Variants in CORO2A observed in about 807,000 individuals in gnomAD.
CORO2A encodes coronin-2A.
CORO2A carries 47 observed loss-of-function variants against 62.4 expected under a neutral mutation model. The ratio of observed to expected loss-of-function variants is 0.75; its 90% CI spans 0.60 to 0.96. CORO2A has a LOEUF of 0.96. Ranked by LOEUF, CORO2A falls within the 40% of genes least tolerant of loss-of-function variation. The pLI, the probability that CORO2A is intolerant of heterozygous loss-of-function variation, is 0.00. For synonymous variants in CORO2A, 273 were observed against 268.9 expected (o/e 1.02, Z -0.15); for missense variants, 610 against 684.1 (o/e 0.89, Z 1.21).
chr9:98,151,339 T>C lies in CORO2A; in HGVS notation c.201+6121A>G, dbSNP rs143255102. Among the ~76,000 whole-genome samples, 257 of 152,328 alleles carry C rather than the reference T, an allele frequency of 1.7e-3. 1 individual carries two copies. The highest frequency in any genetic ancestry group is 5.9e-3 in the African/African-American group (245 of 41,570). ...AGTGTCTATCCATGAATATAGTAAA[T>C]ATTTCCATCTATTGAGGTCATCTTT... On this transcript the variant is annotated intron_variant, in intron 2 of 11. Coordinates refer to ENST00000375077, the MANE Select transcript of CORO2A (RefSeq NM_052820.4).
At chr9:98,137,843 T>G (rs1827509602) in intron 2 of CORO2A, among the ~76,000 whole-genome samples, 155 bp from the exon 3 acceptor site, 1 of 152,190 alleles carries the variant, frequency 6.6e-6, no homozygotes, top group African/African-American at 2.4e-5. Context: ...TGTGGGATCC[T>G]GGGGGAGTTA....
intron 2 of CORO2A, among the ~76,000 whole-genome samples, chr9:98,152,959 A>C (rs534352247): frequency 3.9e-5 from 6 of 152,328 alleles, no homozygotes; most frequent in African/African-American, 1.4e-4. Context: ...ATGTAATTTG[A>C]ATTTGGGTTG....
At chr9:98,186,957 G>A (rs1040804209) in intron 1 of CORO2A, among the ~76,000 whole-genome samples, 25 of 152,090 alleles carry the variant, frequency 1.6e-4, no homozygotes, top group African/African-American at 5.8e-4. Context: ...GTCTTCGTCC[G>A]TTGCTGCAGC....
intron 1 of CORO2A, among the ~76,000 whole-genome samples, chr9:98,174,930 T>A (rs75772867): frequency 0.012 from 1,759 of 152,146 alleles, 34 homozygotes; most frequent in African/African-American, 0.04. Context: ...TTAAAAATGG[T>A]TAAAATCGTA....
intron 2 of CORO2A, among the ~76,000 whole-genome samples, chr9:98,139,173 C>T (rs1827533805): frequency 6.6e-6 from 1 of 151,950 alleles, no homozygotes; most frequent in African/African-American, 2.4e-5. Flanking sequence ...TGAGGGGTGT[C>T]TTTTTGGAGT....
intron 2 of CORO2A, among the ~76,000 whole-genome samples, chr9:98,150,927 A>G (rs780624924): frequency 5.9e-5 from 9 of 152,144 alleles, no homozygotes; most frequent in Admixed American, 2.6e-4. Flanking sequence ...CCAGCATTCA[A>G]GGCTCTGCTC....
chr9:98,160,328 T>G (rs144814364), intron 1 of CORO2A, among the ~76,000 whole-genome samples: 1 of 152,170 alleles, frequency 6.6e-6, no homozygotes, highest in East Asian at 1.9e-4. Context: ...TAAAAAGAGA[T>G]CACCTGAAAC....
intron 1 of CORO2A, among the ~76,000 whole-genome samples, chr9:98,187,901 C>T (rs1483562302): frequency 6.6e-6 from 1 of 152,196 alleles, no homozygotes; most frequent in Non-Finnish European, 1.5e-5. Flanking sequence ...CCTAGATTCT[C>T]CATGAGACAC....
At position 98,124,864 on chromosome 9, in the gene CORO2A, C is replaced by A. The variant is rs148606644; in HGVS notation, c.1488G>T (p.Arg496Ser). 2 of 1,588,254 alleles carry A rather than the reference C, an allele frequency of 1.3e-6. No individual in the cohort carries two copies. The highest frequency in any genetic ancestry group is 1.7e-6 in the Non-Finnish European group (2 of 1,165,204). ...CTCGCTGGGTCAACAGCTCCCGGAG[C>A]CTTCGGATCTCCTCCTGTTGCCGGT... ...MFYRQQEEIRRLRELLTQREV... is the reference protein window; with the variant it reads ...MFYRQQEEIRSLRELLTQREV... The change falls in exon 12 of 12, where the codon AGG (arginine) becomes AGT (serine). Residue 496 changes from arginine to serine, a missense_variant. Physicochemically the swap from Arg to Ser is moderately radical, Grantham distance 110. Transcript: ENST00000375077.
chr9:98,151,998 G>A (rs1827732312), intron 2 of CORO2A, among the ~76,000 whole-genome samples: 2 of 152,034 alleles, frequency 1.3e-5, no homozygotes, highest in South Asian at 4.2e-4. Context: ...TGTATTTTTA[G>A]TAGAGATGGG....
At chr9:98,160,721 G>C (rs931075228) in intron 1 of CORO2A, among the ~76,000 whole-genome samples, 1 of 152,180 alleles carries the variant, frequency 6.6e-6, no homozygotes, top group African/African-American at 2.4e-5. Context: ...ACTGCTGGGG[G>C]TGGCGGGAGT....
chr9:98,163,097 C>A (rs900454869), intron 1 of CORO2A, among the ~76,000 whole-genome samples: 1 of 152,254 alleles, frequency 6.6e-6, no homozygotes, highest in African/African-American at 2.4e-5. Context: ...CTTGGTGGGC[C>A]TGATGCCATG....
At chr9:98,179,191 G>A (rs1054551323) in intron 1 of CORO2A, among the ~76,000 whole-genome samples, 1 of 152,164 alleles carries the variant, frequency 6.6e-6, no homozygotes, top group Non-Finnish European at 1.5e-5. Flanking sequence ...TGCGGACTGG[G>A]AAGAAACCCT....
intron 1 of CORO2A, among the ~76,000 whole-genome samples, chr9:98,170,427 G>T (rs762280002): frequency 6.6e-6 from 1 of 152,198 alleles, no homozygotes; most frequent in Non-Finnish European, 1.5e-5. Flanking sequence ...TCAGGCTGGA[G>T]AATCCTAATT....
intron 3 of CORO2A, among the ~76,000 whole-genome samples, chr9:98,137,352 TG>T (rs1724987891): frequency 6.6e-6 from 1 of 152,124 alleles, no homozygotes; most frequent in South Asian, 2.1e-4. Context: ...CCATTTTATA[TG>T]GGGGGGAACT....
chr9:98,131,181 T>G, intron 6 of CORO2A, 122 bp from the exon 7 acceptor site: 1 of 656,958 alleles, frequency 1.5e-6, no homozygotes, highest in East Asian at 2.8e-5. Context: ...AGAGAAAAAG[T>G]GTGATTTTTT....
At chr9:98,175,571 G>C (rs1431899527) in intron 1 of CORO2A, among the ~76,000 whole-genome samples, 1 of 152,200 alleles carries the variant, frequency 6.6e-6, no homozygotes, top group Admixed American at 6.5e-5. Flanking sequence ...CCATTAAATG[G>C]GCATGGGCAT....
chr9:98,143,747 A>G (rs2118840422), intron 2 of CORO2A, among the ~76,000 whole-genome samples: 1 of 152,246 alleles, frequency 6.6e-6, no homozygotes. Flanking sequence ...GGATATACTC[A>G]CTGGGCAGGG....
intron 1 of CORO2A, among the ~76,000 whole-genome samples, chr9:98,185,035 A>G (rs1450567985): frequency 3.3e-5 from 5 of 152,160 alleles, no homozygotes; most frequent in Non-Finnish European, 7.4e-5. Context: ...GAAGAAACTG[A>G]CGCTTAGAGA....
Sources: gnomAD v4.1 joint callset for allele counts (sites outside exome capture counted in the v4.1 genomes callset) on GRCh38, gnomAD v4.1.1 for gene constraint, MANE v1.5 for transcripts, NCBI Gene and HGNC (gene_info 2026-07-23, HGNC 2026-07-21) for gene names.